The following ABCC4 variants were observed in gnomAD, a reference collection of about 807,000 sequenced individuals.
ABCC4 encodes the protein ATP-binding cassette sub-family C member 4.
In ABCC4, 102 loss-of-function variants were observed where a neutral mutation model predicts 168.5. The observed-to-expected ratio is 0.61, with a 90% CI of 0.52 to 0.71. The LOEUF (loss-of-function observed/expected upper bound fraction) is 0.71. Ranked by LOEUF, ABCC4 falls within the 30% of genes least tolerant of loss-of-function variation. The pLI is 0.00. For synonymous variants in ABCC4, 617 were observed against 590.7 expected (o/e 1.04, Z -0.65); for missense variants, 1,402 against 1,605.8 (o/e 0.87, Z 2.17).
chr13:95,130,903 C>T (rs2035936574), intron 19 of ABCC4, among the ~76,000 whole-genome samples: 1 of 152,158 alleles, frequency 6.6e-6, no homozygotes, highest in Non-Finnish European at 1.5e-5. Context: ...CCGGCTTCCC[C>T]ACAGGCATCC....
intron 1 of ABCC4, among the ~76,000 whole-genome samples, chr13:95,264,557 A>T (rs796921981): frequency 2.0e-5 from 3 of 152,226 alleles, no homozygotes; most frequent in African/African-American, 7.2e-5. Flanking sequence ...GTCACATCAC[A>T]TTTTTTTGTG....
intron 1 of ABCC4, among the ~76,000 whole-genome samples, chr13:95,257,291 C>A (rs558530498): frequency 2.2e-4 from 34 of 152,306 alleles, no homozygotes; most frequent in African/African-American, 7.7e-4. Context: ...TTTTCATCCT[C>A]ATCATCTTCA....
In ABCC4 at chr13:95,074,309, AACAAGAACCAAGCC is replaced by A; in HGVS notation, c.2808_2821del (p.Glu936AspfsTer62). 1 of 1,612,840 alleles carries A rather than the reference AACAAGAACCAAGCC, an allele frequency of 6.2e-7. No homozygotes were observed. The highest frequency in any genetic ancestry group is 8.5e-7 in the Non-Finnish European group (1 of 1,179,422). ...GGCAAACCAGCGGGACGTTGTCAAAAACAAGAACCAAGCCTCTGAATTTGAGAACGGTAATAAGC... is the reference window on the plus strand; with the variant it reads ...GGCAAACCAGCGGGACGTTGTCAAAATCTGAATTTGAGAACGGTAATAAGC... On this transcript the variant is annotated frameshift_variant and splice_region_variant, in exon 23 of 31. Coordinates refer to ENST00000645237, the MANE Select transcript of ABCC4 (RefSeq NM_005845.5). LOFTEE classifies it high-confidence loss of function.
chr13:95,076,041 G>A (rs1260957611), intron 21 of ABCC4, among the ~76,000 whole-genome samples: 1 of 152,162 alleles, frequency 6.6e-6, no homozygotes, highest in East Asian at 1.9e-4. Flanking sequence ...TTGCACCCTG[G>A]TAACTGGATG....
chr13:95,123,849 G>A (rs574985769), intron 19 of ABCC4, among the ~76,000 whole-genome samples: 5 of 152,218 alleles, frequency 3.3e-5, no homozygotes, highest in Non-Finnish European at 5.9e-5. Flanking sequence ...CAGCTGGTGC[G>A]GGTTACCAGG....
intron 8 of ABCC4, among the ~76,000 whole-genome samples, chr13:95,195,835 T>C (rs2038399442): frequency 6.6e-6 from 1 of 152,128 alleles, no homozygotes; most frequent in South Asian, 2.1e-4. Flanking sequence ...GGTTTCACCA[T>C]GTTAGCCAGG....
intron 19 of ABCC4, among the ~76,000 whole-genome samples, chr13:95,123,443 A>C (rs554188265): frequency 0.015 from 2,258 of 152,000 alleles, 61 homozygotes; most frequent in African/African-American, 0.052. Flanking sequence ...GCTCACCGCA[A>C]CCTCCACTTC....
chr13:95,241,238 A>AGTG (rs1566560210), intron 3 of ABCC4, among the ~76,000 whole-genome samples: 2 of 150,454 alleles, frequency 1.3e-5, no homozygotes, highest in Admixed American at 6.6e-5. Flanking sequence ...GGTGGCGCAC[A>AGTG]CCTGTAGTCC....
intron 1 of ABCC4, among the ~76,000 whole-genome samples, chr13:95,283,527 A>C (rs924088522): frequency 6.6e-6 from 1 of 151,832 alleles, no homozygotes; most frequent in Admixed American, 6.6e-5. Flanking sequence ...CTCCTAACTC[A>C]TTCCCTCCAT....
chr13:95,166,118 G>T, intron 15 of ABCC4, 40 bp downstream of exon 15: 1 of 1,554,556 alleles, frequency 6.4e-7, no homozygotes, highest in South Asian at 1.1e-5. Flanking sequence ...CATTAACAGT[G>T]AACAAAACCA....
chr13:95,055,079 T>C (rs562414094), intron 26 of ABCC4, among the ~76,000 whole-genome samples: 1 of 152,196 alleles, frequency 6.6e-6, no homozygotes, highest in East Asian at 1.9e-4. Flanking sequence ...ATGATGTTTC[T>C]GAATTACCAA....
chr13:95,176,661 G>A (rs1403124697), intron 13 of ABCC4, among the ~76,000 whole-genome samples: 1 of 152,172 alleles, frequency 6.6e-6, no homozygotes, highest in Non-Finnish European at 1.5e-5. Context: ...CAGCATGGGT[G>A]CTTATCTTCT....
Position 95,177,695 on chromosome 13 carries a change from A to C in ABCC4, c.1727+12T>G, listed in dbSNP as rs758944874. On this transcript the variant is annotated intron_variant, in intron 13 of 30. Coordinates refer to ENST00000645237, the MANE Select transcript of ABCC4 (RefSeq NM_005845.5). ...GAAAAGCAGAAATGACTTAAGACACAAACACACTCACAGTTCGAACAAGTG... is the reference window on the plus strand; with the variant it reads ...GAAAAGCAGAAATGACTTAAGACACCAACACACTCACAGTTCGAACAAGTG... 1.9e-6 allele frequency: 3 copies of C among 1,600,946 alleles called. No homozygotes were observed. Among genetic ancestry groups the C allele is most frequent in the Non-Finnish European group, 1.7e-6 (2 of 1,170,902 alleles).
chr13:95,215,548 C>A (rs936741502), intron 4 of ABCC4, among the ~76,000 whole-genome samples: 1 of 152,086 alleles, frequency 6.6e-6, no homozygotes, highest in African/African-American at 2.4e-5. Context: ...TAGAATTTTA[C>A]TGTTGCATAC....
chr13:95,061,331 T>G (rs34843402), intron 26 of ABCC4, among the ~76,000 whole-genome samples: 14,800 of 152,224 alleles, frequency 0.097, 960 homozygotes, highest in Admixed American at 0.17. Flanking sequence ...CCACCAACAG[T>G]GCACAGGGTT....
At chr13:95,107,882 C>T (rs143035479) in intron 20 of ABCC4, among the ~76,000 whole-genome samples, 3 of 152,056 alleles carry the variant, frequency 2.0e-5, no homozygotes, top group South Asian at 2.1e-4. Flanking sequence ...AAGTTTGCAG[C>T]GAGCAGAGAT....
intron 8 of ABCC4, among the ~76,000 whole-genome samples, chr13:95,200,702 A>G (rs2038599618): frequency 6.6e-6 from 1 of 152,196 alleles, no homozygotes; most frequent in African/African-American, 2.4e-5. Context: ...GCTTGGTGAC[A>G]GAGCGAGACG....
chr13:95,095,289 TC>T (rs2034555625), intron 20 of ABCC4, among the ~76,000 whole-genome samples: 2 of 89,588 alleles, frequency 2.2e-5, no homozygotes, highest in Non-Finnish European at 4.6e-5. Context: ...TGTGAGATTA[TC>T]TATCTATCTA....
chr13:95,207,960 C>T (rs2274409), intron 6 of ABCC4, 35 bp from the exon 7 acceptor site: 158,167 of 1,604,116 alleles, frequency 0.099, 8,974 homozygotes, highest in Admixed American at 0.21. Context: ...TGAGCCTGAG[C>T]GATCACAGCC....
Sources: gnomAD v4.1 joint callset for allele counts (sites outside exome capture counted in the v4.1 genomes callset) on GRCh38, gnomAD v4.1.1 for gene constraint, MANE v1.5 for transcripts, NCBI Gene and HGNC (gene_info 2026-07-23, HGNC 2026-07-21) for gene names.